Variants in TUBA1C observed in about 807,000 individuals in gnomAD.
TUBA1C encodes tubulin alpha-1C chain.
A neutral mutation model predicts 34.9 loss-of-function variants in TUBA1C; 16 were observed. That is an observed-to-expected ratio of 0.46 (90% CI 0.31 to 0.70). TUBA1C has a LOEUF of 0.70. Ranked by LOEUF, TUBA1C falls within the 30% of genes least tolerant of loss-of-function variation. TUBA1C has a pLI of 0.05. For synonymous variants in TUBA1C, 177 were observed against 215.9 expected (o/e 0.82, Z 1.58); for missense variants, 329 against 587.3 (o/e 0.56, Z 4.55).
At chr12:49,239,955 C>T (rs1942594898) in intron 1 of TUBA1C, among the ~76,000 whole-genome samples, 1 of 151,294 alleles carries the variant, frequency 6.6e-6, no homozygotes, top group Non-Finnish European at 1.5e-5. Context: ...CAAGTCAGTC[C>T]CTTGAAACTG....
intron 1 of TUBA1C, among the ~76,000 whole-genome samples, chr12:49,240,610 C>T (rs1393697348): frequency 6.6e-6 from 1 of 152,254 alleles, no homozygotes; most frequent in African/African-American, 2.4e-5. Context: ...ATTTTTGGGA[C>T]AGGGTCTCTC....
intron 3 of TUBA1C, chr12:49,270,191 T>A: frequency 2.0e-6 from 2 of 1,001,302 alleles, no homozygotes; most frequent in Non-Finnish European, 3.0e-6. Context: ...CTATTTTGCT[T>A]CAAGCTGAGA....
exon 1 of TUBA1C, chr12:49,227,939 G>A: frequency 6.5e-7 from 1 of 1,535,232 alleles, no homozygotes; most frequent in Non-Finnish European, 8.7e-7. Flanking sequence ...TGAACAATGG[G>A]CGCCCAGCTC....
chr12:49,242,242 T>G (rs746451606), intron 1 of TUBA1C, among the ~76,000 whole-genome samples: 18 of 151,448 alleles, frequency 1.2e-4, no homozygotes, highest in Non-Finnish European at 1.2e-4. Flanking sequence ...TCACCTGTCT[T>G]GGCCTCCCAA....
chr12:49,231,520 T>C (rs1942496586), intron 1 of TUBA1C, among the ~76,000 whole-genome samples: 1 of 152,220 alleles, frequency 6.6e-6, no homozygotes, highest in Admixed American at 6.5e-5. Flanking sequence ...TGCTGGGCAC[T>C]GTGCGAAATA....
intron 1 of TUBA1C, among the ~76,000 whole-genome samples, chr12:49,231,393 C>G (rs540333626): frequency 6.6e-6 from 1 of 152,184 alleles, no homozygotes; most frequent in Non-Finnish European, 1.5e-5. Context: ...TGGTCTCATA[C>G]TCCTGGGCTC....
chr12:49,258,132 T>C (rs1942804082), intron 1 of TUBA1C: 1 of 152,284 alleles, frequency 6.6e-6, no homozygotes, highest in Non-Finnish European at 1.5e-5. Context: ...AGTGCTAGGA[T>C]TACAGGCATG....
intron 1 of TUBA1C, 87 bp downstream of exon 1, chr12:49,265,271 GC>G: frequency 8.8e-7 from 1 of 1,138,812 alleles, no homozygotes; most frequent in Non-Finnish European, 1.2e-6. Flanking sequence ...CTCGGGCCGC[GC>G]CCAGGACAGC....
intron 1 of TUBA1C, among the ~76,000 whole-genome samples, chr12:49,229,108 A>T (rs1404068181): frequency 6.6e-6 from 1 of 152,166 alleles, no homozygotes; most frequent in Non-Finnish European, 1.5e-5. Flanking sequence ...GACATGAAGG[A>T]GGCGGTGGAT....
chr12:49,264,943 C>A (rs953628599), upstream of TUBA1C: 12 of 431,000 alleles, frequency 2.8e-5, no homozygotes, highest in Non-Finnish European at 1.5e-5. Context: ...CGCGCGCCCC[C>A]ACTCCGCGGG....
chr12:49,229,673 A>C (rs1942475137), intron 1 of TUBA1C, among the ~76,000 whole-genome samples: 1 of 133,806 alleles, frequency 7.5e-6, no homozygotes, highest in Non-Finnish European at 1.6e-5. Context: ...GTTTGCATAG[A>C]GGTGTGTGTG....
chr12:49,240,637 G>T (rs933653498), intron 1 of TUBA1C, among the ~76,000 whole-genome samples: 3 of 152,094 alleles, frequency 2.0e-5, no homozygotes, highest in Non-Finnish European at 4.4e-5. Context: ...ACCCATGCTC[G>T]AGTGCAGTGG....
rs1943004525 is a variant in TUBA1C at position 49,272,427 on chromosome 12, C to T, written c.550C>T (p.Pro184Ser). 6.2e-7 allele frequency: 1 copy of T among 1,613,600 alleles called. No individual in the cohort carries two copies. The highest frequency in any genetic ancestry group is 2.2e-5 in the East Asian group (1 of 44,858). Reference sequence around the variant, plus strand: ...CCAGGTTTCCACAGCTGTAGTTGAGCCCTACAACTCCATCCTCACCACCCA... The same window carrying T: ...CCAGGTTTCCACAGCTGTAGTTGAGTCCTACAACTCCATCCTCACCACCCA... ...APQVSTAVVE[P>S]YNSILTTHTT... Residue 184 changes from proline (P) to serine (S), a missense_variant, in exon 4 of 4, where the codon CCC (proline) becomes TCC (serine). Transcript: ENST00000301072.
chr12:49,266,523 T>G (rs1942915226), intron 1 of TUBA1C, among the ~76,000 whole-genome samples: 1 of 152,042 alleles, frequency 6.6e-6, no homozygotes. Flanking sequence ...GTAACTTGAG[T>G]GTTTTCTATA....
intron 1 of TUBA1C, among the ~76,000 whole-genome samples, chr12:49,253,636 T>C (rs1163197018): frequency 2.6e-5 from 4 of 152,082 alleles, no homozygotes; most frequent in Non-Finnish European, 5.9e-5. Context: ...CAAGCGATCC[T>C]CCCACCTCAG....
At chr12:49,234,564 C>T (rs1335191707) in intron 1 of TUBA1C, among the ~76,000 whole-genome samples, 1 of 152,242 alleles carries the variant, frequency 6.6e-6, no homozygotes, top group African/African-American at 2.4e-5. Context: ...CGTGGCGCCG[C>T]AGTCCTGGCG....
At chr12:49,243,970 C>T (rs938694189) in intron 1 of TUBA1C, among the ~76,000 whole-genome samples, 17 of 151,842 alleles carry the variant, frequency 1.1e-4, no homozygotes, top group Admixed American at 4.6e-4. Context: ...GGCCACACAG[C>T]GAGATCCCGT....
At chr12:49,250,189 A>T (rs1452823956) in intron 1 of TUBA1C, among the ~76,000 whole-genome samples, 1 of 151,394 alleles carries the variant, frequency 6.6e-6, no homozygotes, top group East Asian at 1.9e-4. Flanking sequence ...ACAGAGTGAG[A>T]CTCCATCTCA....
intron 1 of TUBA1C, among the ~76,000 whole-genome samples, chr12:49,258,567 A>G (rs981385002): frequency 2.6e-5 from 4 of 151,804 alleles, no homozygotes; most frequent in Admixed American, 1.3e-4. Context: ...AGCTGGGATT[A>G]CAGGTGTGCA....
Sources: allele counts gnomAD v4.1 joint callset (sites outside exome capture counted in the v4.1 genomes callset), GRCh38; gene constraint gnomAD v4.1.1; transcripts MANE v1.5; gene names NCBI Gene and HGNC (gene_info 2026-07-23, HGNC 2026-07-21).